Variants in TMEM117 observed in about 807,000 individuals in gnomAD.
The protein encoded by TMEM117 is transmembrane protein 117.
TMEM117 carries 27 observed loss-of-function variants against 52.4 expected under a neutral mutation model. The ratio of observed to expected loss-of-function variants is 0.51; its 90% confidence interval spans 0.38 to 0.71. The LOEUF is 0.71. Among genes scored for constraint, TMEM117 ranks in the 30% least tolerant of loss-of-function variants. The pLI, the probability that TMEM117 is intolerant of heterozygous loss-of-function variation, is 0.00. For missense variants in TMEM117, 556 were observed against 630.5 expected (o/e 0.88, Z 1.26); for synonymous variants, 215 against 206.3 (o/e 1.04, Z -0.36).
chr12:43,997,633 A>G (rs1240677766), intron 3 of TMEM117, among the ~76,000 whole-genome samples: 5 of 152,168 alleles, frequency 3.3e-5, no homozygotes, highest in African/African-American at 7.2e-5. Flanking sequence ...TCTTATTTTC[A>G]TTATCATCAT....
chr12:43,993,235 T>G (rs759255367), intron 3 of TMEM117, among the ~76,000 whole-genome samples: 7 of 152,246 alleles, frequency 4.6e-5, no homozygotes, highest in Non-Finnish European at 8.8e-5. Context: ...TTCCTGGCTA[T>G]AAAATATTGT....
intron 4 of TMEM117, among the ~76,000 whole-genome samples, chr12:44,164,658 G>T (rs1327286081): frequency 6.6e-6 from 1 of 152,138 alleles, no homozygotes; most frequent in African/African-American, 2.4e-5. Context: ...TAAACTCTGG[G>T]ATATAATAAG....
intron 6 of TMEM117, among the ~76,000 whole-genome samples, chr12:44,311,544 G>A (rs1464142360): frequency 6.6e-6 from 1 of 151,716 alleles, no homozygotes. Context: ...CTATGCAGAA[G>A]GTTGAGAAGA....
chr12:43,983,411 C>T (rs143126140), intron 3 of TMEM117, among the ~76,000 whole-genome samples: 6 of 152,014 alleles, frequency 3.9e-5, no homozygotes, highest in East Asian at 3.9e-4. Context: ...ATGGATACAG[C>T]GAGGTGTAAT....
chr12:44,222,606 C>T (rs1949803553), intron 5 of TMEM117, among the ~76,000 whole-genome samples: 1 of 152,128 alleles, frequency 6.6e-6, no homozygotes, highest in Non-Finnish European at 1.5e-5. Flanking sequence ...GTCTGGCTTT[C>T]TCACTCTTCT....
chr12:43,894,665 C>A (rs967152528), intron 2 of TMEM117, among the ~76,000 whole-genome samples: 1 of 151,950 alleles, frequency 6.6e-6, no homozygotes, highest in Admixed American at 6.6e-5. Flanking sequence ...TCTGTTCCTG[C>A]ATTAGTTTGC....
At chr12:44,276,179 C>T (rs1433412787) in intron 5 of TMEM117, among the ~76,000 whole-genome samples, 1 of 152,098 alleles carries the variant, frequency 6.6e-6, no homozygotes, top group African/African-American at 2.4e-5. Flanking sequence ...AAAAAGATAC[C>T]TGCACTGCCA....
At chr12:44,188,504 A>G (rs1205695490) in intron 4 of TMEM117, among the ~76,000 whole-genome samples, 5 of 152,168 alleles carry the variant, frequency 3.3e-5, no homozygotes, top group African/African-American at 1.2e-4. Context: ...CTTGTCAGGT[A>G]CCAGTTATAT....
chr12:43,818,273 G>A, the TMEM117 span, among the ~76,000 whole-genome samples: 1 of 152,110 alleles, frequency 6.6e-6, no homozygotes, highest in African/African-American at 2.4e-5. Context: ...GTACATATAA[G>A]TAAGTACTGA....
intron 3 of TMEM117, among the ~76,000 whole-genome samples, chr12:44,133,744 G>T (rs563644032): frequency 6.6e-6 from 1 of 152,068 alleles, no homozygotes; most frequent in African/African-American, 2.4e-5. Flanking sequence ...AGAGCTCTTC[G>T]TGGAAGGTCC....
chr12:44,187,232 A>G (rs1314312010), intron 4 of TMEM117, among the ~76,000 whole-genome samples: 1 of 152,124 alleles, frequency 6.6e-6, no homozygotes, highest in Admixed American at 6.6e-5. Context: ...CAGATGGACA[A>G]ATGTAAATGG....
chr12:44,379,235 G>A (rs1246247277), intron 7 of TMEM117, among the ~76,000 whole-genome samples: 1 of 151,972 alleles, frequency 6.6e-6, no homozygotes, highest in Non-Finnish European at 1.5e-5. Context: ...ACACACCTGT[G>A]GTCCTAGCCA....
intron 3 of TMEM117, among the ~76,000 whole-genome samples, chr12:44,030,210 AT>A (rs1262787151): frequency 2.0e-5 from 3 of 152,218 alleles, no homozygotes; most frequent in African/African-American, 7.2e-5. Flanking sequence ...AAATGTAAAC[AT>A]TTGGTCTAAG....
intron 3 of TMEM117, among the ~76,000 whole-genome samples, chr12:44,023,233 A>G (rs1478692720): frequency 6.6e-6 from 1 of 152,180 alleles, no homozygotes; most frequent in Admixed American, 6.6e-5. Context: ...GTTGTTGGAC[A>G]TTTGGGTTGG....
intron 6 of TMEM117, among the ~76,000 whole-genome samples, chr12:44,331,067 CACA>C (rs1951263681): frequency 6.6e-6 from 1 of 151,754 alleles, no homozygotes; most frequent in Non-Finnish European, 1.5e-5. Context: ...AGTGTAGAAT[CACA>C]ACATTTATGA....
At chr12:43,890,163 G>A (rs898827952) in intron 2 of TMEM117, among the ~76,000 whole-genome samples, 6 of 152,190 alleles carry the variant, frequency 3.9e-5, no homozygotes, top group Non-Finnish European at 8.8e-5. Context: ...ATAAAAAGGA[G>A]AGAAGTGACA....
chr12:43,862,622 G>A (rs1318577648), intron 2 of TMEM117, among the ~76,000 whole-genome samples: 4 of 152,216 alleles, frequency 2.6e-5, no homozygotes, highest in Admixed American at 1.3e-4. Flanking sequence ...TCTAGCTAGT[G>A]ATATAGTCTA....
chr12:43,839,812 A>G (rs1943089492), intron 1 of TMEM117, among the ~76,000 whole-genome samples: 1 of 152,254 alleles, frequency 6.6e-6, no homozygotes, highest in East Asian at 1.9e-4. Context: ...AATGAATGTT[A>G]TTATGGAATT....
At chr12:44,045,829 C>T (rs185432594) in intron 3 of TMEM117, among the ~76,000 whole-genome samples, 18 of 152,136 alleles carry the variant, frequency 1.2e-4, no homozygotes, top group Admixed American at 5.2e-4. Flanking sequence ...GGCGACCGTG[C>T]GAGACTCAAA....
Sources: allele counts gnomAD v4.1 joint callset (sites outside exome capture counted in the v4.1 genomes callset), GRCh38; gene constraint gnomAD v4.1.1; transcripts MANE v1.5; gene names NCBI Gene and HGNC (gene_info 2026-07-23, HGNC 2026-07-21).